The following TGFB2 variants were observed in gnomAD, a reference collection of about 807,000 sequenced individuals.
TGFB2 encodes transforming growth factor beta-2 proprotein.
Under a neutral mutation model 42.7 loss-of-function variants are expected in TGFB2, and 13 were observed. The observed-to-expected ratio is 0.30, with a 90% confidence interval of 0.20 to 0.48. The LOEUF is 0.48. TGFB2 is among the 20% of genes least tolerant of loss of function. TGFB2 has a pLI of 0.99. For synonymous variants in TGFB2, 193 were observed against 193.6 expected, an observed-to-expected ratio of 1.00 and a Z score of 0.03; for missense variants, 390 against 517.5, an observed-to-expected ratio of 0.75 and a Z score of 2.39.
At chr1:218,392,806 A>C (rs1482332930) in intron 1 of TGFB2, among the ~76,000 whole-genome samples, 1 of 151,998 alleles carries the variant, frequency 6.6e-6, no homozygotes, top group Non-Finnish European at 1.5e-5. Flanking sequence ...GTATTTATTC[A>C]CTCTCAAGCC....
chr1:218,359,864 T>C (rs943880789), intron 1 of TGFB2, among the ~76,000 whole-genome samples: 3 of 152,170 alleles, frequency 2.0e-5, no homozygotes, highest in Non-Finnish European at 4.4e-5. Context: ...TAAGATATCA[T>C]TGCAGTAAGA....
intron 2 of TGFB2, among the ~76,000 whole-genome samples, chr1:218,408,474 G>A (rs1460043233): frequency 1.3e-5 from 2 of 152,208 alleles, no homozygotes; most frequent in East Asian, 1.9e-4. Context: ...CACTATACAC[G>A]GGCATCTGGA....
chr1:218,406,483 C>T (rs533827167), intron 2 of TGFB2, among the ~76,000 whole-genome samples: 5 of 152,242 alleles, frequency 3.3e-5, no homozygotes, highest in African/African-American at 9.6e-5. Context: ...TAACAAGATC[C>T]GCAGGTGCTT....
intron 1 of TGFB2, among the ~76,000 whole-genome samples, chr1:218,352,749 C>T (rs913279190): frequency 6.6e-6 from 1 of 152,214 alleles, no homozygotes; most frequent in African/African-American, 2.4e-5. Context: ...GGCCTCTTCC[C>T]TACCATCTCT....
intron 1 of TGFB2, among the ~76,000 whole-genome samples, chr1:218,365,552 T>C (rs977933815): frequency 6.6e-6 from 1 of 152,118 alleles, no homozygotes; most frequent in Non-Finnish European, 1.5e-5. Context: ...TCCACATAGA[T>C]TCCCATAACA....
At chr1:218,377,635 C>A (rs918195380) in intron 1 of TGFB2, among the ~76,000 whole-genome samples, 5 of 151,972 alleles carry the variant, frequency 3.3e-5, no homozygotes, top group Non-Finnish European at 7.4e-5. Flanking sequence ...ATCAGAAATC[C>A]TACTCTTCTG....
chr1:218,406,727 G>C (rs369479210), intron 2 of TGFB2, among the ~76,000 whole-genome samples: 1 of 152,148 alleles, frequency 6.6e-6, no homozygotes, highest in African/African-American at 2.4e-5. Context: ...AGACAGTCTT[G>C]AATGGGCTTG....
intron 2 of TGFB2, among the ~76,000 whole-genome samples, chr1:218,420,569 T>G (rs1408840883): frequency 6.6e-6 from 1 of 151,836 alleles, no homozygotes; most frequent in Non-Finnish European, 1.5e-5. Flanking sequence ...AAGGAAACAA[T>G]AGGGAATTAT....
At chr1:218,386,750 T>C (rs1658150831) in intron 1 of TGFB2, among the ~76,000 whole-genome samples, 1 of 152,246 alleles carries the variant, frequency 6.6e-6, no homozygotes, top group Non-Finnish European at 1.5e-5. Context: ...AAAGTCTTAT[T>C]GACATCAGAT....
intron 1 of TGFB2, among the ~76,000 whole-genome samples, chr1:218,357,186 T>G (rs1657064957): frequency 6.9e-6 from 1 of 145,576 alleles, no homozygotes; most frequent in African/African-American, 2.6e-5. Context: ...CACTCCAGCC[T>G]GGGAGACAAG....
intron 1 of TGFB2, among the ~76,000 whole-genome samples, chr1:218,378,062 G>A (rs189070762): frequency 6.6e-6 from 1 of 152,198 alleles, no homozygotes; most frequent in East Asian, 1.9e-4. Flanking sequence ...TGCAACCGCC[G>A]CCTCCCGGGT....
At position 218,382,013 on chromosome 1, in the gene TGFB2, C is replaced by T. The variant is rs147248619; in HGVS notation, c.347-23156C>T. On this transcript the variant is annotated intron_variant, in intron 1 of 6. Coordinates refer to ENST00000366930, the MANE Select transcript of TGFB2 (RefSeq NM_003238.6). ...CTGATGAATAAATTTTAAGGGGATT[C>T]CTGCAGGTCAGCAGAAAGAGAGGGT... 3.0e-3 allele frequency among the ~76,000 whole-genome samples: 455 copies of T among 152,242 alleles called. 1 individual carries two copies. The highest frequency in any genetic ancestry group is 9.6e-3 in the African/African-American group (400 of 41,542).
intron 2 of TGFB2, among the ~76,000 whole-genome samples, chr1:218,415,682 G>A (rs1028307299): frequency 7.5e-5 from 9 of 120,478 alleles, no homozygotes; most frequent in Admixed American, 1.1e-4. Flanking sequence ...GCGACAGAGC[G>A]AGACTCTGTC....
chr1:218,426,144 A>G (rs537930852), intron 2 of TGFB2, among the ~76,000 whole-genome samples: 3 of 152,332 alleles, frequency 2.0e-5, no homozygotes, highest in Admixed American at 2.0e-4. Context: ...TTCCCTTTGC[A>G]TTAGAAGTCT....
chr1:218,427,883 C>G (rs959477504), intron 2 of TGFB2, among the ~76,000 whole-genome samples: 18 of 152,262 alleles, frequency 1.2e-4, no homozygotes, highest in African/African-American at 3.9e-4. Flanking sequence ...GGTATTTCTA[C>G]TTCTAGACCC....
chr1:218,405,475 T>C, intron 2 of TGFB2, 143 bp downstream of exon 2: 1 of 1,426,478 alleles, frequency 7.0e-7, no homozygotes, highest in South Asian at 1.2e-5. Flanking sequence ...AACGATCCGC[T>C]TGCCTCAGCC....
intron 1 of TGFB2, among the ~76,000 whole-genome samples, chr1:218,398,389 T>C (rs1419488642): frequency 6.6e-6 from 1 of 152,188 alleles, no homozygotes; most frequent in African/African-American, 2.4e-5. Flanking sequence ...AAACAATAGA[T>C]AGATGGCTGA....
intron 1 of TGFB2, among the ~76,000 whole-genome samples, chr1:218,379,964 C>T (rs974712962): frequency 1.3e-5 from 2 of 152,104 alleles, no homozygotes; most frequent in South Asian, 2.1e-4. Flanking sequence ...AATACCGATG[C>T]GGTGCTTCAT....
chr1:218,418,588 T>C (rs1268525523), intron 2 of TGFB2, among the ~76,000 whole-genome samples: 1 of 152,148 alleles, frequency 6.6e-6, no homozygotes, highest in Non-Finnish European at 1.5e-5. Context: ...TTTTGAAATG[T>C]GAGGACATGA....
Sources: allele counts gnomAD v4.1 joint callset (sites outside exome capture counted in the v4.1 genomes callset), GRCh38; gene constraint gnomAD v4.1.1; transcripts MANE v1.5; gene names NCBI Gene and HGNC (gene_info 2026-07-23, HGNC 2026-07-21).